Variants in OR7A5 observed in about 807,000 individuals in gnomAD.
OR7A5 encodes olfactory receptor 7A5.
For missense variants in OR7A5, 319 were observed against 377.9 expected (o/e 0.84, Z 1.29); for synonymous variants, 140 against 146.7 (o/e 0.95, Z 0.33).
chr19:14,833,188 T>C (rs975995501), intron 1 of OR7A5, among the ~76,000 whole-genome samples: 6 of 151,716 alleles, frequency 4.0e-5, no homozygotes, highest in Non-Finnish European at 5.9e-5. Context: ...AATTAAAAAC[T>C]TCAATATCGG....
In OR7A5 at chr19:14,831,733, G is replaced by A. The variant is rs1296574603; in HGVS notation, c.-14+3341C>T. Among the ~76,000 whole-genome samples, 4 of 149,432 alleles carry A rather than the reference G, an allele frequency of 2.7e-5. No homozygotes were observed. The South Asian group carries it at 8.5e-4, about 32-fold the overall frequency. On this transcript the variant is annotated intron_variant, in intron 1 of 1. Transcript: ENST00000322301. ...GCTGGGATTACAGGCGTGAGCCACC[G>A]CGCCTGGCCTATTTTATTTTTTTTT...
chr19:14,826,547 C>G lies in OR7A5; in HGVS notation c.*735G>C, dbSNP rs1231396839. The G allele has an allele frequency of 2.6e-5, 4 of 152,104 alleles. No homozygotes were observed. The highest frequency in any genetic ancestry group is 4.4e-5 in the Non-Finnish European group (3 of 68,036). 9.4% of individuals were successfully genotyped at this position (152,104 alleles called of 1,614,324 possible). A position where few individuals can be genotyped will look rare whatever the true frequency, so the allele number is the denominator to read the frequency against. On this transcript the variant is annotated 3_prime_UTR_variant, in exon 2 of 2. Transcript: ENST00000322301. ...ACTAAGCTTCCATACTTCAATGAGTCCATGCACATCATAAAAACAAGTCTT... is the reference window on the plus strand; with the variant it reads ...ACTAAGCTTCCATACTTCAATGAGTGCATGCACATCATAAAAACAAGTCTT...
rs1181606436 is a variant in OR7A5, at chr19:14,826,786, T to G, written c.*496A>C. ...GGACATGGCACTGACAAAGACATGA[T>G]GTCCTAATGAGGACAACACAATCTC... On this transcript the variant is annotated 3_prime_UTR_variant, in exon 2 of 2. Coordinates refer to ENST00000322301, the MANE Select transcript of OR7A5 (RefSeq NM_017506.2). 18 of 152,694 alleles carry G rather than the reference T, an allele frequency of 1.2e-4. 1 individual carries two copies. The highest frequency in any genetic ancestry group is 3.8e-4 in the African/African-American group (16 of 41,578). The allele number at this position is 152,694 out of a possible 1,614,324, so 9.5% of individuals were successfully genotyped here.
chr19:14,832,080 G>A (rs879889026), intron 1 of OR7A5, among the ~76,000 whole-genome samples: 4 of 151,980 alleles, frequency 2.6e-5, no homozygotes, highest in Non-Finnish European at 5.9e-5. Flanking sequence ...AGCTAATTTT[G>A]TTCATGCTTT....
At chr19:14,830,899 GA>G (rs1370081165) in intron 1 of OR7A5, among the ~76,000 whole-genome samples, 1 of 152,132 alleles carries the variant, frequency 6.6e-6, no homozygotes, top group Non-Finnish European at 1.5e-5. Flanking sequence ...TCAGCTGATG[GA>G]AAAATGCAAG....
intron 1 of OR7A5, among the ~76,000 whole-genome samples, chr19:14,832,921 C>T (rs924203103): frequency 1.3e-5 from 2 of 151,578 alleles, no homozygotes. Context: ...AATAAATTGG[C>T]AAAAATCTAG....
chr19:14,830,549 G>A (rs747423434), intron 1 of OR7A5, among the ~76,000 whole-genome samples: 4 of 152,090 alleles, frequency 2.6e-5, no homozygotes, highest in South Asian at 2.1e-4. Context: ...GTATCTCCTC[G>A]ATGCCTGGCA....
Position 14,827,502 on chromosome 19 carries a change from A to C in OR7A5, c.740T>G (p.Val247Gly), listed in dbSNP as rs112351188. 445 of 1,614,152 alleles carry C rather than the reference A, an allele frequency of 2.8e-4. 1 individual carries two copies. The African/African-American group carries it at 5.3e-3, about 19-fold the overall frequency. Reference protein sequence around the residue: ...AFSTCASHLSVVSLFYGAILG... With the variant: ...AFSTCASHLSGVSLFYGAILG... Reference sequence around the variant, plus strand: ...GATTGCACCATAAAATAAGGAGACAACTGAGAGGTGAGATGCACAGGTGGA... The same window carrying C: ...GATTGCACCATAAAATAAGGAGACACCTGAGAGGTGAGATGCACAGGTGGA... Residue 247 changes from valine (V) to glycine (G), a missense_variant, in exon 2 of 2, where the codon GTT becomes GGT. By Grantham distance (109) the Val-to-Gly change is moderately radical (BLOSUM62 -3). Transcript: ENST00000322301.
In OR7A5 at chr19:14,828,259, C is replaced by G. The variant is rs2044794614; in HGVS notation, c.-13-5G>C. ...GGTTCCATTTGATTGAAGTGACTAT[C>G]AGAGAGAGAGAGAGAAAGAGGGAAA... On this transcript the variant is annotated splice_polypyrimidine_tract_variant and splice_region_variant and intron_variant, in intron 1 of 1. Coordinates refer to ENST00000322301, the MANE Select transcript of OR7A5 (RefSeq NM_017506.2). The G allele has an allele frequency of 6.3e-7, 1 of 1,585,098 alleles. No homozygotes were observed. The highest frequency in any genetic ancestry group is 1.3e-5 in the African/African-American group (1 of 74,110).
chr19:14,828,248 G>C lies in OR7A5; in HGVS notation c.-7C>G, dbSNP rs1428520814. 1 of 1,605,452 alleles carries C rather than the reference G, an allele frequency of 6.2e-7. No homozygotes were observed. Among genetic ancestry groups the C allele is most frequent in the Non-Finnish European group, 8.5e-7 (1 of 1,174,760 alleles). ...TATCATTTCCTGGTTCCATTTGATT[G>C]AAGTGACTATCAGAGAGAGAGAGAG... is the stretch of plus-strand genomic sequence containing the variant. On this transcript the variant is annotated 5_prime_UTR_variant, in exon 2 of 2. Transcript: ENST00000322301.
intron 1 of OR7A5, 30 bp from the exon 2 acceptor site, chr19:14,828,284 A>G (rs765067170): frequency 1.9e-6 from 3 of 1,565,642 alleles, no homozygotes; most frequent in African/African-American, 2.7e-5. Context: ...AAAGAGGGAA[A>G]CGAGACAGGC....
chr19:14,834,526 C>T (rs1480956956), intron 1 of OR7A5, among the ~76,000 whole-genome samples: 1 of 152,166 alleles, frequency 6.6e-6, no homozygotes, highest in African/African-American at 2.4e-5. Flanking sequence ...CATAGTCTCT[C>T]ACCTATTAAA....
chr19:14,829,666 G>A (rs1229212157), intron 1 of OR7A5, among the ~76,000 whole-genome samples: 1 of 152,226 alleles, frequency 6.6e-6, no homozygotes, highest in Non-Finnish European at 1.5e-5. Flanking sequence ...TCTAGATGCT[G>A]TTGCACCTGC....
At chr19:14,831,356 A>G (rs1446168420) in intron 1 of OR7A5, among the ~76,000 whole-genome samples, 2 of 152,176 alleles carry the variant, frequency 1.3e-5, no homozygotes, top group East Asian at 3.8e-4. Context: ...TACTTGATCA[A>G]TTGGTTTTTA....
rs937779041 is a variant in OR7A5 at position 14,827,032 on chromosome 19, A to G, written c.*250T>C. 6.1e-6 allele frequency: 2 copies of G among 328,794 alleles called. No individual in the cohort carries two copies. Among genetic ancestry groups the G allele is most frequent in the African/African-American group, 2.1e-5 (1 of 46,778 alleles). 20.4% of individuals were successfully genotyped at this position (328,794 alleles called of 1,614,324 possible). A position where few individuals can be genotyped will look rare whatever the true frequency, so the allele number is the denominator to read the frequency against. On this transcript the variant is annotated 3_prime_UTR_variant, in exon 2 of 2. Transcript: ENST00000322301. Reference sequence around the variant, plus strand: ...CTGTATGAGACAAATGGAAATCTCCAAAGTGTTTCTGATCCAAAGTCGGAA... The same window carrying G: ...CTGTATGAGACAAATGGAAATCTCCGAAGTGTTTCTGATCCAAAGTCGGAA...
rs778104335 is a variant in OR7A5, at chr19:14,827,630, C to T, written c.612G>A (p.Ala204=). ...LNHMVIYFTV[A]LLGGGPLTGI... is the part of the protein sequence containing the mutation. Reference sequence around the variant, plus strand: ...CAGTCAGGGGACCTCCACCCAGCAGCGCAACTGTAAAATATATCACCATGT... The same window carrying T: ...CAGTCAGGGGACCTCCACCCAGCAGTGCAACTGTAAAATATATCACCATGT... The change falls in exon 2 of 2, where the codon GCG becomes GCA. Residue 204 remains alanine, a synonymous_variant. Transcript: ENST00000322301. The T allele has an allele frequency of 7.4e-6, 12 of 1,614,082 alleles. No homozygotes were observed. The highest frequency in any genetic ancestry group is 4.5e-5 in the East Asian group (2 of 44,882).
At position 14,827,993 on chromosome 19, in the gene OR7A5, C is replaced by A; in HGVS notation, c.249G>T (p.Met83Ile). ...VTSTTIPKML[M>I]NIQTQNKVIT... ...TGACTTTGTTCTGTGTCTGGATGTTCATCAGCATTTTTGGAATGGTGGTGG... is the reference window on the plus strand; with the variant it reads ...TGACTTTGTTCTGTGTCTGGATGTTAATCAGCATTTTTGGAATGGTGGTGG... The change falls in exon 2 of 2, where the codon ATG (methionine) becomes ATT (isoleucine). Residue 83 changes from methionine to isoleucine, a missense_variant. Transcript: ENST00000322301. The A allele has an allele frequency of 6.2e-7, 1 of 1,614,142 alleles. No homozygotes were observed. Among genetic ancestry groups the A allele is most frequent in the South Asian group, 1.1e-5 (1 of 91,076 alleles).
At chr19:14,828,929 AAAC>A (rs1295611542) in intron 1 of OR7A5, among the ~76,000 whole-genome samples, 1 of 77,258 alleles carries the variant, frequency 1.3e-5, no homozygotes, top group East Asian at 9.4e-4. Flanking sequence ...TAAACAAATT[AAAC>A]AATCGAATAT....
intron 1 of OR7A5, among the ~76,000 whole-genome samples, chr19:14,829,871 A>G (rs1433016323): frequency 6.6e-6 from 1 of 152,164 alleles, no homozygotes; most frequent in African/African-American, 2.4e-5. Context: ...TCACACACAC[A>G]TATACACATG....
Sources: allele counts gnomAD v4.1 joint callset (sites outside exome capture counted in the v4.1 genomes callset), GRCh38; gene constraint gnomAD v4.1.1; transcripts MANE v1.5; gene names NCBI Gene and HGNC (gene_info 2026-07-23, HGNC 2026-07-21).